The following TMEM174 variants were observed in gnomAD, a reference collection of about 807,000 sequenced individuals.
TMEM174 encodes transmembrane protein 174.
Under a neutral mutation model 15.1 loss-of-function variants are expected in TMEM174, and 11 were observed. The observed-to-expected ratio is 0.73, with a 90% CI of 0.46 to 1.20. The LOEUF (loss-of-function observed/expected upper bound fraction) is 1.20, where lower values mean the gene tolerates loss of function less well. Ranked by LOEUF, TMEM174 falls within the 50% of genes most tolerant of loss-of-function variation. The probability of loss-of-function intolerance (pLI) is 0.00; values close to 1 mark genes in which losing one functional copy is unlikely to be tolerated. For synonymous variants in TMEM174, 130 were observed against 121.3 expected (o/e 1.07, Z -0.47); for missense variants, 321 against 303.6 (o/e 1.06, Z -0.43).
rs1745014874 is a variant in TMEM174 at position 73,173,613 on chromosome 5, G to A, written c.370G>A (p.Gly124Ser). The change falls in exon 1 of 2, where the codon GGC (glycine) becomes AGC (serine). Residue 124 changes from glycine to serine, a missense_variant. By Grantham distance (56) the Gly-to-Ser change is moderately conservative. Transcript: ENST00000296776. ...TPGGPSFVFT[G>S]INQPITFHGA... ...AGGAGGACCATCATTTGTTTTCACT[G>A]GCATCAACCAACCCATCACCTTCCA... 4.3e-6 allele frequency: 7 copies of A among 1,614,078 alleles called. No homozygotes were observed. The highest frequency in any genetic ancestry group is 5.9e-6 in the Non-Finnish European group (7 of 1,180,044).
Position 73,174,364 on chromosome 5 carries a change from TG to T in TMEM174, c.*203del, listed in dbSNP as rs1162873095. 1 of 575,176 alleles carries T rather than the reference TG, an allele frequency of 1.7e-6. No homozygotes were observed. Among genetic ancestry groups the T allele is most frequent in the African/African-American group, 1.9e-5 (1 of 53,500 alleles). 35.6% of individuals were successfully genotyped at this position (575,176 alleles called of 1,614,324 possible). On this transcript the variant is annotated 3_prime_UTR_variant, in exon 2 of 2. Coordinates refer to ENST00000296776, the MANE Select transcript of TMEM174 (RefSeq NM_153217.3). The stretch of plus-strand genomic sequence containing the variant: ...CAGATTGGTAAAAATTAGGCTGGGC[TG>T]GGGAAATTCTCCTCCGGAACAGTTT...
chr5:73,173,336 C>T lies in TMEM174; in HGVS notation c.93C>T (p.Ser31=), dbSNP rs140016650. Residue 31 remains serine (S), a synonymous_variant, in exon 1 of 2, where the codon TCC becomes TCT. Coordinates refer to ENST00000296776, the MANE Select transcript of TMEM174 (RefSeq NM_153217.3). ...YTPSTADIQV[S]DDDKAGATLL... Reference sequence around the variant, plus strand: ...CCAGCACCGCTGACATCCAGGTGTCCGATGATGACAAGGCGGGGGCCACCT... The same window carrying T: ...CCAGCACCGCTGACATCCAGGTGTCTGATGATGACAAGGCGGGGGCCACCT... 2.5e-5 allele frequency: 40 copies of T among 1,596,834 alleles called. No homozygotes were observed. Among genetic ancestry groups the T allele is most frequent in the Middle Eastern group, 1.7e-4 (1 of 5,978 alleles).
At chr5:73,173,987 C>T in intron 1 of TMEM174, 73 bp from the exon 2 acceptor site, 4 of 1,606,004 alleles carry the variant, frequency 2.5e-6, no homozygotes, top group South Asian at 1.1e-5. Flanking sequence ...GCCTGTTGCC[C>T]ACGATGGCAG....
rs1356571507 is a variant in TMEM174, at chr5:73,174,263, G to A, written c.*98G>A. On this transcript the variant is annotated 3_prime_UTR_variant, in exon 2 of 2. Transcript: ENST00000296776. The stretch of plus-strand genomic sequence containing the variant: ...GTGGTGTTCTATGTTGTAACCTTCA[G>A]AAGTTACAGCAGCGCCCAGGCAGCC... The A allele has an allele frequency of 2.5e-6, 3 of 1,178,446 alleles. No individual in the cohort carries two copies. The African/African-American group carries it at 4.5e-5, about 18-fold the overall frequency. 73.0% of individuals were successfully genotyped at this position (1,178,446 alleles called of 1,614,324 possible).
chr5:73,173,268 G>C lies in TMEM174; in HGVS notation c.25G>C (p.Glu9Gln). MEQGSGRLEDFPVNVFSVT... is the reference protein window; with the variant it reads MEQGSGRLQDFPVNVFSVT... Reference sequence around the variant, plus strand: ...AATGGAGCAGGGCAGCGGCCGCTTGGAGGACTTCCCTGTCAATGTGTTCTC... The same window carrying C: ...AATGGAGCAGGGCAGCGGCCGCTTGCAGGACTTCCCTGTCAATGTGTTCTC... The change falls in exon 1 of 2, where the codon GAG (glutamate) becomes CAG (glutamine). Residue 9 changes from glutamate (E) to glutamine (Q), a missense_variant. By Grantham distance (29) the Glu-to-Gln change is conservative (BLOSUM62 2). Coordinates refer to ENST00000296776, the MANE Select transcript of TMEM174 (RefSeq NM_153217.3). 6.5e-7 allele frequency: 1 copy of C among 1,540,974 alleles called. No individual in the cohort carries two copies. The highest frequency in any genetic ancestry group is 8.8e-7 in the Non-Finnish European group (1 of 1,142,726).
In TMEM174 at chr5:73,174,128, CT is replaced by C; in HGVS notation, c.696del (p.Pro234LeufsTer33). On this transcript the variant is annotated frameshift_variant, in exon 2 of 2. Transcript: ENST00000296776. LOFTEE classifies it high-confidence loss of function. ...LEEEACACFS[P>X]PPYEEIYSLP... ...GAGGAGGCCTGTGCCTGCTTCTCTCCTCCCCCTTATGAAGAAATATACTCTC... is the reference window on the plus strand; with the variant it reads ...GAGGAGGCCTGTGCCTGCTTCTCTCCCCCCCTTATGAAGAAATATACTCTC... The C allele has an allele frequency of 6.2e-7, 1 of 1,614,170 alleles. No individual in the cohort carries two copies. The highest frequency in any genetic ancestry group is 1.1e-5 in the South Asian group (1 of 91,080).
chr5:73,173,723 G>A lies in TMEM174; in HGVS notation c.480G>A (p.Val160=), dbSNP rs1179245352. 1.2e-6 allele frequency: 2 copies of A among 1,614,142 alleles called. No individual in the cohort carries two copies. The highest frequency in any genetic ancestry group is 1.3e-5 in the African/African-American group (1 of 75,022). Residue 160 remains valine (V), a synonymous_variant, in exon 1 of 2, where the codon GTG becomes GTA. Transcript: ENST00000296776. ...TAAATACCAGCTACCTGCAGTCTGTGGTGAGCCCCTGCGGCCTCATAACCT... is the reference window on the plus strand; with the variant it reads ...TAAATACCAGCTACCTGCAGTCTGTAGTGAGCCCCTGCGGCCTCATAACCT... The part of the protein sequence containing the change: ...MGINTSYLQS[V]VSPCGLITSG...
Position 73,173,213 on chromosome 5 carries a change from T to C in TMEM174, c.-31T>C. The C allele has an allele frequency of 2.0e-6, 3 of 1,517,062 alleles. No individual in the cohort carries two copies. The highest frequency in any genetic ancestry group is 8.8e-7 in the Non-Finnish European group (1 of 1,134,510). The allele number at this position is 1,517,062 out of a possible 1,614,324, so 94.0% of individuals were successfully genotyped here. ...CCTTGGTTCTCACAATCCTCTCCAC[T>C]CTAAGAAGCAGGGTGAGCCCACAAG... On this transcript the variant is annotated 5_prime_UTR_variant, in exon 1 of 2. Coordinates refer to ENST00000296776, the MANE Select transcript of TMEM174 (RefSeq NM_153217.3).
chr5:73,173,528 G>A lies in TMEM174; in HGVS notation c.285G>A (p.Met95Ile), dbSNP rs1318635337. 1 of 1,614,206 alleles carries A rather than the reference G, an allele frequency of 6.2e-7. No homozygotes were observed. The highest frequency in any genetic ancestry group is 1.1e-5 in the South Asian group (1 of 91,082). ...TGATTGCTGTGTGCAAGTTCAAAATGCTCTCCTGCCAGTTGTGCAAAGAAA... is the reference window on the plus strand; with the variant it reads ...TGATTGCTGTGTGCAAGTTCAAAATACTCTCCTGCCAGTTGTGCAAAGAAA... ...FILIAVCKFK[M>I]LSCQLCKESE... is the part of the protein sequence containing the mutation. The change falls in exon 1 of 2, where the codon ATG becomes ATA. Residue 95 changes from methionine (M) to isoleucine (I), a missense_variant. Coordinates refer to ENST00000296776, the MANE Select transcript of TMEM174 (RefSeq NM_153217.3).
At position 73,173,478 on chromosome 5, in the gene TMEM174, C is replaced by G. The variant is rs748059987; in HGVS notation, c.235C>G (p.Leu79Val). Residue 79 changes from leucine to valine, a missense_variant, in exon 1 of 2, where the codon CTG becomes GTG. Leu to Val is a conservative substitution (Grantham distance 32). Coordinates refer to ENST00000296776, the MANE Select transcript of TMEM174 (RefSeq NM_153217.3). ...GACCCAGCTCCTTGGGCCCGTCCTG[C>G]TGTCAGTTGGGGTGACATTCATCCT... Reference protein sequence around the residue: ...EWTQLLGPVLLSVGVTFILIA... With the variant: ...EWTQLLGPVLVSVGVTFILIA... 1.9e-6 allele frequency: 3 copies of G among 1,614,226 alleles called. No homozygotes were observed. Among genetic ancestry groups the G allele is most frequent in the Non-Finnish European group, 2.5e-6 (3 of 1,180,046 alleles).
At chr5:73,173,950 T>G (rs1580257461) in intron 1 of TMEM174, 81 bp downstream of exon 1, 7 of 1,597,108 alleles carry the variant, frequency 4.4e-6, no homozygotes, top group East Asian at 4.5e-5. Flanking sequence ...ATGAATAAGG[T>G]GTTGGGAGAC....
Position 73,173,656 on chromosome 5 carries a change from A to G in TMEM174, c.413A>G (p.Gln138Arg), listed in dbSNP as rs374585746. 2.5e-6 allele frequency: 4 copies of G among 1,614,082 alleles called. No homozygotes were observed. The highest frequency in any genetic ancestry group is 1.1e-5 in the South Asian group (1 of 91,090). Residue 138 changes from glutamine to arginine, a missense_variant, in exon 1 of 2, where the codon CAG (glutamine) becomes CGG (arginine). Physicochemically the swap from Gln to Arg is conservative, Grantham distance 43 (BLOSUM62 1). Coordinates refer to ENST00000296776, the MANE Select transcript of TMEM174 (RefSeq NM_153217.3). ...ACCTTCCATGGGGCCACTGTGGTGC[A>G]GTACATCCCTCCTCCTTATGGTTCT... ...PITFHGATVV[Q>R]YIPPPYGSPE...
chr5:73,173,765 C>T lies in TMEM174; in HGVS notation c.522C>T (p.Ala174=), dbSNP rs149320161. The change falls in exon 1 of 2, where the codon GCC becomes GCT. Residue 174 remains alanine, a synonymous_variant. Transcript: ENST00000296776. ...CGLITSGGAA[A]AMSSPPQYYT... is the part of the protein sequence containing the mutation. ...TCATAACCTCTGGAGGGGCAGCAGC[C>T]GCCATGTCAAGTCCTCCTCAATACT... The T allele has an allele frequency of 1.7e-4, 282 of 1,614,152 alleles. No homozygotes were observed. In the African/African-American group the frequency reaches 3.2e-3, roughly 18 times the overall value.
In TMEM174 at chr5:73,173,596, C is replaced by T. The variant is rs367756375; in HGVS notation, c.353C>T (p.Pro118Leu). Reference protein sequence around the residue: ...VPDSEQTPGGPSFVFTGINQP... With the variant: ...VPDSEQTPGGLSFVFTGINQP... ...GACTCGGAACAGACACCAGGAGGAC[C>T]ATCATTTGTTTTCACTGGCATCAAC... The change falls in exon 1 of 2, where the codon CCA becomes CTA. Residue 118 changes from proline (P) to leucine (L), a missense_variant. Transcript: ENST00000296776. The T allele has an allele frequency of 1.2e-6, 2 of 1,614,048 alleles. No individual in the cohort carries two copies. Among genetic ancestry groups the T allele is most frequent in the Non-Finnish European group, 1.7e-6 (2 of 1,180,044 alleles).
Position 73,173,631 on chromosome 5 carries a change from A to G in TMEM174, c.388A>G (p.Thr130Ala), listed in dbSNP as rs1408378353. The change falls in exon 1 of 2, where the codon ACC (threonine) becomes GCC (alanine). Residue 130 changes from threonine (T) to alanine (A), a missense_variant. By Grantham distance (58) the Thr-to-Ala change is moderately conservative. Transcript: ENST00000296776. ...TTTCACTGGCATCAACCAACCCATCACCTTCCATGGGGCCACTGTGGTGCA... is the reference window on the plus strand; with the variant it reads ...TTTCACTGGCATCAACCAACCCATCGCCTTCCATGGGGCCACTGTGGTGCA... ...FVFTGINQPI[T>A]FHGATVVQYI... 1 of 1,613,996 alleles carries G rather than the reference A, an allele frequency of 6.2e-7. No individual in the cohort carries two copies. Among genetic ancestry groups the G allele is most frequent in the Admixed American group, 1.7e-5 (1 of 59,986 alleles).
Position 73,173,434 on chromosome 5 carries a change from G to C in TMEM174, c.191G>C (p.Gly64Ala), listed in dbSNP as rs757321400. The stretch of plus-strand genomic sequence containing the variant: ...GTCATGGGCTGGATCAAATACCAAG[G>C]TGTCTCCCACTTTGAATGGACCCAG... The part of the protein sequence containing the change: ...FTVMGWIKYQ[G>A]VSHFEWTQLL... The change falls in exon 1 of 2, where the codon GGT becomes GCT. Residue 64 changes from glycine (G) to alanine (A), a missense_variant. Coordinates refer to ENST00000296776, the MANE Select transcript of TMEM174 (RefSeq NM_153217.3). The C allele has an allele frequency of 1.4e-5, 23 of 1,614,208 alleles. No individual in the cohort carries two copies. Among genetic ancestry groups the C allele is most frequent in the Non-Finnish European group, 1.9e-5 (22 of 1,180,044 alleles).
In TMEM174 at chr5:73,173,232, C is replaced by T. The variant is rs1208085856; in HGVS notation, c.-12C>T. On this transcript the variant is annotated 5_prime_UTR_variant, in exon 1 of 2. Transcript: ENST00000296776. ...CTCCACTCTAAGAAGCAGGGTGAGC[C>T]CACAAGGAGCAATGGAGCAGGGCAG... 5.3e-6 allele frequency: 8 copies of T among 1,519,372 alleles called. No homozygotes were observed. The highest frequency in any genetic ancestry group is 2.2e-5 in the Admixed American group (1 of 44,912). The allele number at this position is 1,519,372 out of a possible 1,614,324, so 94.1% of individuals were successfully genotyped here. A position where few individuals can be genotyped will look rare whatever the true frequency, so the allele number is the denominator to read the frequency against.
In TMEM174 at chr5:73,174,869, C is replaced by G. The variant is rs974982547; in HGVS notation, c.*704C>G. 1.3e-5 allele frequency: 2 copies of G among 152,384 alleles called. No homozygotes were observed. The highest frequency in any genetic ancestry group is 2.9e-5 in the Non-Finnish European group (2 of 68,076). The allele number at this position is 152,384 out of a possible 1,614,324, so 9.4% of individuals were successfully genotyped here. A position where few individuals can be genotyped will look rare whatever the true frequency, so the allele number is the denominator to read the frequency against. On this transcript the variant is annotated 3_prime_UTR_variant, in exon 2 of 2. Coordinates refer to ENST00000296776, the MANE Select transcript of TMEM174 (RefSeq NM_153217.3). ...TCCCGATCACTGAGTCACAGTGACC[C>G]TTGGCTGCTGCTGTTCTCTTCTGCA...
At position 73,173,718 on chromosome 5, in the gene TMEM174, T is replaced by A. The variant is rs56056034; in HGVS notation, c.475T>A (p.Ser159Thr). ...GGGGATAAATACCAGCTACCTGCAG[T>A]CTGTGGTGAGCCCCTGCGGCCTCAT... ...PMGINTSYLQ[S>T]VVSPCGLITS... Residue 159 changes from serine (S) to threonine (T), a missense_variant, in exon 1 of 2, where the codon TCT becomes ACT. By Grantham distance (58) the Ser-to-Thr change is moderately conservative (BLOSUM62 1). Transcript: ENST00000296776. 2,179 of 1,614,112 alleles carry A rather than the reference T, an allele frequency of 1.3e-3. 28 individuals carry two copies. In the African/African-American group the frequency reaches 0.027, roughly 20 times the overall value.
Sources: gnomAD v4.1 joint callset for allele counts on GRCh38, gnomAD v4.1.1 for gene constraint, MANE v1.5 for transcripts, NCBI Gene and HGNC (gene_info 2026-07-23, HGNC 2026-07-21) for gene names.